FZD6: variants seen among roughly 807,000 people sequenced by gnomAD.
The protein encoded by FZD6 is frizzled class receptor 6.
A neutral mutation model predicts 61.4 loss-of-function variants in FZD6; 49 were observed. The observed-to-expected ratio is 0.80, with a 90% confidence interval of 0.63 to 1.01. The LOEUF is 1.01. Among genes scored for constraint, FZD6 ranks in the 50% least tolerant of loss-of-function variants. The pLI, the probability that FZD6 is intolerant of heterozygous loss-of-function variation, is 0.00. For synonymous variants in FZD6, 265 were observed against 292.2 expected, an observed-to-expected ratio of 0.91 and a Z score of 0.95; for missense variants, 724 against 848.2, an observed-to-expected ratio of 0.85 and a Z score of 1.82.
chr8:103,312,022 G>T (rs1814509696), intron 2 of FZD6, among the ~76,000 whole-genome samples: 1 of 152,234 alleles, frequency 6.6e-6, no homozygotes, highest in South Asian at 2.1e-4. Context: ...TCCAGTGAAG[G>T]ATTATAGAAA....
At chr8:103,303,928 T>G (rs994210523) in intron 2 of FZD6, among the ~76,000 whole-genome samples, 1 of 37,258 alleles carries the variant, frequency 2.7e-5, no homozygotes, top group Non-Finnish European at 4.8e-5. Flanking sequence ...TGAGTCAGTT[T>G]TTTTTTTTTC....
chr8:103,331,100 C>A (rs144873691), intron 6 of FZD6, among the ~76,000 whole-genome samples: 1 of 152,172 alleles, frequency 6.6e-6, no homozygotes, highest in East Asian at 1.9e-4. Flanking sequence ...TCGCTTGAAC[C>A]CAAGAGGTGG....
intron 2 of FZD6, among the ~76,000 whole-genome samples, chr8:103,303,146 CA>C (rs1432764468): frequency 6.6e-6 from 1 of 152,188 alleles, no homozygotes; most frequent in Non-Finnish European, 1.5e-5. Context: ...CCAGGCCCTT[CA>C]TGTGGGACCC....
chr8:103,315,645 CA>C (rs1814607361), intron 2 of FZD6, among the ~76,000 whole-genome samples: 1 of 152,110 alleles, frequency 6.6e-6, no homozygotes, highest in Admixed American at 6.5e-5. Flanking sequence ...GGAGGGATGA[CA>C]AGGGAGCCAG....
intron 2 of FZD6, among the ~76,000 whole-genome samples, chr8:103,306,494 CTTTTTTTTTTTTTT>C (rs71292793): frequency 4.6e-5 from 3 of 65,200 alleles, no homozygotes; most frequent in East Asian, 6.0e-4. Flanking sequence ...AGGTTCATCA[CTTTTTTTTTTTTTT>C]TTTTTTTTTT....
intron 2 of FZD6, among the ~76,000 whole-genome samples, chr8:103,300,634 T>C (rs1814138499): frequency 6.6e-6 from 1 of 152,242 alleles, no homozygotes; most frequent in African/African-American, 2.4e-5. Flanking sequence ...ACTGAACATG[T>C]AATATTTATT....
chr8:103,330,170 C>T, intron 6 of FZD6, 105 bp downstream of exon 6: 7 of 1,031,368 alleles, frequency 6.8e-6, no homozygotes, highest in Non-Finnish European at 1.0e-5. Flanking sequence ...TATATTATGT[C>T]TGTACTCTTA....
Position 103,324,574 on chromosome 8 carries a change from C to A in FZD6, c.468C>A (p.Asp156Glu). Residue 156 changes from aspartate (D) to glutamate (E), a missense_variant, in exon 4 of 7, where the codon GAC becomes GAA. Coordinates refer to ENST00000358755, the MANE Select transcript of FZD6 (RefSeq NM_003506.4). ...PQKKTEQVQRDIGFWCPRHLK... is the reference protein window; with the variant it reads ...PQKKTEQVQREIGFWCPRHLK... ...AGAAAACAGAACAAGTCCAAAGAGA[C>A]ATTGGATTTTGGTGTCCAAGGCATC... The A allele has an allele frequency of 1.9e-6, 3 of 1,613,562 alleles. No individual in the cohort carries two copies. Among genetic ancestry groups the A allele is most frequent in the Non-Finnish European group, 2.5e-6 (3 of 1,179,470 alleles).
rs768048309 is a variant in FZD6, at chr8:103,325,295, C to T, written c.1189C>T (p.Arg397Ter). ...LAGIISLNHV[R>*]QVIQHDGRNQ... is the part of the protein sequence containing the mutation. Reference sequence around the variant, plus strand: ...TGGCATTATTTCCTTAAATCATGTTCGACAAGTCATACAACATGATGGCCG... The same window carrying T: ...TGGCATTATTTCCTTAAATCATGTTTGACAAGTCATACAACATGATGGCCG... Residue 397 changes from arginine to a stop codon, truncating the protein, a stop_gained, in exon 4 of 7, where the codon CGA becomes TGA. Coordinates refer to ENST00000358755, the MANE Select transcript of FZD6 (RefSeq NM_003506.4). LOFTEE classifies it high-confidence loss of function. 9.9e-6 allele frequency: 16 copies of T among 1,613,742 alleles called. No individual in the cohort carries two copies. Among genetic ancestry groups the T allele is most frequent in the Non-Finnish European group, 1.4e-5 (16 of 1,179,754 alleles).
chr8:103,325,546 A>G, intron 4 of FZD6, 48 bp downstream of exon 4: 1 of 1,395,626 alleles, frequency 7.2e-7, no homozygotes, highest in Non-Finnish European at 1.0e-6. Context: ...TTAATGTAGA[A>G]AATGTTTCAT....
chr8:103,298,702 G>T (rs1460435538), upstream of FZD6: 1 of 151,392 alleles, frequency 6.6e-6, no homozygotes, highest in African/African-American at 2.4e-5. Context: ...GTTCACCGGG[G>T]CCGGGTCCTG....
intron 3 of FZD6, among the ~76,000 whole-genome samples, chr8:103,320,471 A>G (rs1416080592): frequency 3.9e-5 from 6 of 152,150 alleles, no homozygotes. Flanking sequence ...AAAATGAAGG[A>G]TAATGAGAAG....
At chr8:103,310,361 C>T (rs1334224616) in intron 2 of FZD6, among the ~76,000 whole-genome samples, 3 of 152,168 alleles carry the variant, frequency 2.0e-5, no homozygotes, top group Non-Finnish European at 4.4e-5. Flanking sequence ...CCTGGAACTC[C>T]TGGGCTCAAG....
intron 2 of FZD6, among the ~76,000 whole-genome samples, chr8:103,315,386 A>C (rs548426122): frequency 6.6e-6 from 1 of 152,326 alleles, no homozygotes; most frequent in African/African-American, 2.4e-5. Context: ...ATGGTTAAGA[A>C]AATTATGGTA....
At chr8:103,300,482 C>G (rs576680947) in intron 2 of FZD6, among the ~76,000 whole-genome samples, 198 bp downstream of exon 2, 1 of 152,168 alleles carries the variant, frequency 6.6e-6, no homozygotes, top group South Asian at 2.1e-4. Context: ...TTAGTAGATT[C>G]GTTTGAATAG....
chr8:103,325,371 G>T lies in FZD6; in HGVS notation c.1265G>T (p.Gly422Val). 1.2e-6 allele frequency: 2 copies of T among 1,614,020 alleles called. No homozygotes were observed. Among genetic ancestry groups the T allele is most frequent in the Non-Finnish European group, 1.7e-6 (2 of 1,179,930 alleles). The change falls in exon 4 of 7, where the codon GGC becomes GTC. Residue 422 changes from glycine (G) to valine (V), a missense_variant. Gly to Val is a moderately radical substitution (Grantham distance 109, BLOSUM62 -3). Transcript: ENST00000358755. ...ATGATTCGAATTGGAGTCTTCAGCG[G>T]CTTGTATCTTGTGCCATTAGTGACA... Reference protein sequence around the residue: ...KFMIRIGVFSGLYLVPLVTLL... With the variant: ...KFMIRIGVFSVLYLVPLVTLL...
rs149396895 is a variant in FZD6, at chr8:103,325,066, C to T, written c.960C>T (p.Ile320=). The change falls in exon 4 of 7, where the codon ATC becomes ATT. Residue 320 remains isoleucine, a synonymous_variant. Coordinates refer to ENST00000358755, the MANE Select transcript of FZD6 (RefSeq NM_003506.4). ...GAAGAAAATGGAGTTGTGAAGCCAT[C>T]GAGCAAAAAGCAGTGTGGTTTCATG... ...AAGRKWSCEA[I]EQKAVWFHAV... The T allele has an allele frequency of 2.3e-4, 378 of 1,614,130 alleles. 1 individual carries two copies. The African/African-American group carries it at 2.9e-3, about 12-fold the overall frequency.
In FZD6 at chr8:103,329,844, C is replaced by T. The variant is rs772009087; in HGVS notation, c.1731C>T (p.Ser577=). ...NHGTSAVAIT[S]HDYLGQETLT... is the part of the protein sequence containing the mutation. ...GCACTTCTGCAGTAGCAATTACTAGCCATGATTACCTAGGACAAGAAACTT... is the reference window on the plus strand; with the variant it reads ...GCACTTCTGCAGTAGCAATTACTAGTCATGATTACCTAGGACAAGAAACTT... The change falls in exon 6 of 7, where the codon AGC becomes AGT. Residue 577 remains serine (S), a synonymous_variant. Transcript: ENST00000358755. 4 of 1,613,744 alleles carry T rather than the reference C, an allele frequency of 2.5e-6. No homozygotes were observed. The highest frequency in any genetic ancestry group is 3.3e-5 in the Admixed American group (2 of 60,014).
Position 103,299,921 on chromosome 8 carries a change from A to G in FZD6, c.-152-35A>G, listed in dbSNP as rs2130253881. 4 of 566,140 alleles carry G rather than the reference A, an allele frequency of 7.1e-6. No homozygotes were observed. In the East Asian group the frequency reaches 1.2e-4, roughly 17 times the overall value. 35.1% of individuals were successfully genotyped at this position (566,140 alleles called of 1,614,324 possible). Reference sequence around the variant, plus strand: ...TGACTCCACATTTGAGTTTATGACAAATGTTGCTGATACACCCTCCTTTTG... The same window carrying G: ...TGACTCCACATTTGAGTTTATGACAGATGTTGCTGATACACCCTCCTTTTG... On this transcript the variant is annotated intron_variant, in intron 1 of 6. Transcript: ENST00000358755.
Sources: gnomAD v4.1 joint callset for allele counts (sites outside exome capture counted in the v4.1 genomes callset) on GRCh38, gnomAD v4.1.1 for gene constraint, MANE v1.5 for transcripts, NCBI Gene and HGNC (gene_info 2026-07-23, HGNC 2026-07-21) for gene names.